LINGO2: variants seen among roughly 807,000 people sequenced by gnomAD.
The protein encoded by LINGO2 is leucine-rich repeat and immunoglobulin-like domain-containing nogo receptor-interacting protein 2.
In LINGO2, 14 loss-of-function variants were observed where a neutral mutation model predicts 30.6. That is an observed-to-expected ratio of 0.46 (90% CI 0.30 to 0.72). LINGO2 has a LOEUF of 0.72. Ranked by LOEUF, LINGO2 falls within the 30% of genes least tolerant of loss-of-function variation. The pLI is 0.07. For missense variants in LINGO2, 729 were observed against 751.7 expected (o/e 0.97, Z 0.35); for synonymous variants, 317 against 288.5 (o/e 1.10, Z -1.00).
chr9:28,424,514 C>T (rs1313454148), intron 2 of LINGO2, among the ~76,000 whole-genome samples: 2 of 152,236 alleles, frequency 1.3e-5, no homozygotes, highest in South Asian at 2.1e-4. Flanking sequence ...CTGAGATTAG[C>T]AGAACCCAGC....
At chr9:28,364,352 T>C (rs1820577363) in intron 3 of LINGO2, among the ~76,000 whole-genome samples, 1 of 152,108 alleles carries the variant, frequency 6.6e-6, no homozygotes, top group African/African-American at 2.4e-5. Flanking sequence ...GTTTTTTTTT[T>C]TTCTCTATGT....
At position 28,081,650 on chromosome 9, in the gene LINGO2, C is replaced by T. The variant is rs112837848; in HGVS notation, c.-86-69245G>A. 5.6e-3 allele frequency among the ~76,000 whole-genome samples: 857 copies of T among 152,308 alleles called. 11 individuals carry two copies. The highest frequency in any genetic ancestry group is 0.019 in the African/African-American group (810 of 41,568). On this transcript the variant is annotated intron_variant, in intron 4 of 5. Coordinates refer to ENST00000379992, the Ensembl canonical transcript of LINGO2. ...CTGTTTTAAAATCTCAGCTCTGCTA[C>T]TTACCCGCTGTATGACCTTGGATGA...
chr9:28,044,742 A>G (rs781656560), intron 4 of LINGO2, among the ~76,000 whole-genome samples: 4 of 150,354 alleles, frequency 2.7e-5, no homozygotes, highest in Non-Finnish European at 4.4e-5. Flanking sequence ...GGAAGGGAAG[A>G]GAGTTAGGGC....
the LINGO2 span, among the ~76,000 whole-genome samples, chr9:29,011,585 A>G: frequency 4.6e-5 from 7 of 152,212 alleles, no homozygotes; most frequent in African/African-American, 1.7e-4. Flanking sequence ...AACACAAGAA[A>G]GATCACCAAG....
chr9:27,964,005 G>C (rs1819977924), intron 5 of LINGO2, among the ~76,000 whole-genome samples: 1 of 152,032 alleles, frequency 6.6e-6, no homozygotes, highest in Admixed American at 6.6e-5. Context: ...CAAAGTCCCA[G>C]ACCTGGCAGG....
chr9:28,649,172 T>G (rs962268793), intron 1 of LINGO2, among the ~76,000 whole-genome samples: 1 of 152,112 alleles, frequency 6.6e-6, no homozygotes, highest in Non-Finnish European at 1.5e-5. Context: ...GCAGCAAATT[T>G]AAAGACCAGA....
intron 3 of LINGO2, among the ~76,000 whole-genome samples, chr9:28,316,647 G>A (rs1374512235): frequency 1.3e-5 from 2 of 152,036 alleles, no homozygotes; most frequent in African/African-American, 2.4e-5. Flanking sequence ...ATTTGAACTT[G>A]GACTAAAGGA....
At chr9:28,119,941 A>C (rs889745245) in intron 4 of LINGO2, among the ~76,000 whole-genome samples, 2 of 152,214 alleles carry the variant, frequency 1.3e-5, no homozygotes, top group African/African-American at 2.4e-5. Flanking sequence ...CCACAGGTTA[A>C]AATACTAGAG....
chr9:28,094,284 C>A (rs1826181342), intron 4 of LINGO2, among the ~76,000 whole-genome samples: 1 of 152,018 alleles, frequency 6.6e-6, no homozygotes, highest in Admixed American at 6.6e-5. Flanking sequence ...CAAATGAATA[C>A]CTTTCTGCTG....
intron 4 of LINGO2, among the ~76,000 whole-genome samples, chr9:28,204,937 CAG>C (rs1212242310): frequency 5.9e-5 from 9 of 152,062 alleles, no homozygotes; most frequent in Admixed American, 5.2e-4. Context: ...ACCAGTCAAA[CAG>C]AGAATTGGCC....
chr9:28,095,237 TCTG>T (rs1276108936), intron 4 of LINGO2, among the ~76,000 whole-genome samples: 1 of 152,116 alleles, frequency 6.6e-6, no homozygotes, highest in African/African-American at 2.4e-5. Context: ...ACTGAAATGC[TCTG>T]CTATCATCAC....
At chr9:27,938,127 C>T in the LINGO2 span, 1 of 140,992 alleles carries the variant, frequency 7.1e-6, no homozygotes, top group African/African-American at 2.5e-5. Flanking sequence ...TTTTTGTTCT[C>T]CTTTGTTAAA....
At chr9:28,933,942 T>C in the LINGO2 span, among the ~76,000 whole-genome samples, 13 of 152,204 alleles carry the variant, frequency 8.5e-5, no homozygotes, top group African/African-American at 3.1e-4. Flanking sequence ...CAATGATCTA[T>C]TCCTAAAATA....
chr9:28,485,915 T>C (rs910070900), intron 1 of LINGO2, among the ~76,000 whole-genome samples: 2 of 152,080 alleles, frequency 1.3e-5, no homozygotes, highest in Non-Finnish European at 2.9e-5. Context: ...GCAACTGGCA[T>C]TGAAGGAGGT....
chr9:28,457,879 T>C (rs1215900691), intron 2 of LINGO2, among the ~76,000 whole-genome samples: 1 of 152,176 alleles, frequency 6.6e-6, no homozygotes, highest in Non-Finnish European at 1.5e-5. Flanking sequence ...AAAAAGTTAC[T>C]GGGAGGCATA....
At chr9:28,176,344 C>T (rs1828749804) in intron 4 of LINGO2, among the ~76,000 whole-genome samples, 1 of 152,120 alleles carries the variant, frequency 6.6e-6, no homozygotes, top group South Asian at 2.1e-4. Context: ...GACCTTTTTG[C>T]CCTGAATTAA....
chr9:28,068,336 G>T (rs557269305), intron 4 of LINGO2, among the ~76,000 whole-genome samples: 2 of 152,100 alleles, frequency 1.3e-5, no homozygotes, highest in African/African-American at 2.4e-5. Context: ...CCATCTTGCT[G>T]TGTGCTCACA....
At chr9:28,467,684 T>TA (rs950943594) in intron 2 of LINGO2, among the ~76,000 whole-genome samples, 24 of 152,064 alleles carry the variant, frequency 1.6e-4, no homozygotes, top group African/African-American at 5.5e-4. Flanking sequence ...TTTTAATGAG[T>TA]AAAAATTGGT....
At chr9:28,742,842 C>G in the LINGO2 span, among the ~76,000 whole-genome samples, 87 of 14,222 alleles carry the variant, frequency 6.1e-3, 1 homozygote, top group East Asian at 0.18. Flanking sequence ...CCTCTTGCCC[C>G]CTCTGTGCTA....
Sources: gnomAD v4.1 joint callset for allele counts (sites outside exome capture counted in the v4.1 genomes callset) on GRCh38, gnomAD v4.1.1 for gene constraint, MANE v1.5 for transcripts, NCBI Gene and HGNC (gene_info 2026-07-23, HGNC 2026-07-21) for gene names.